TANC1: variants seen among roughly 807,000 people sequenced by gnomAD.
TANC1 encodes the protein tetratricopeptide repeat, ankyrin repeat and coiled-coil containing 1, also known as protein TANC1.
TANC1 carries 77 observed loss-of-function variants against 149.7 expected under a neutral mutation model. The ratio of observed to expected loss-of-function variants is 0.51; its 90% CI spans 0.43 to 0.62. The LOEUF is 0.62. Ranked by LOEUF, TANC1 falls within the 20% of genes least tolerant of loss-of-function variation. The probability of loss-of-function intolerance (pLI) is 0.00; values close to 1 mark genes in which losing one functional copy is unlikely to be tolerated. For missense variants in TANC1, 1,985 were observed against 2,321.8 expected, an observed-to-expected ratio of 0.85 and a Z score of 2.98; for synonymous variants, 854 against 925.0, an observed-to-expected ratio of 0.92 and a Z score of 1.39.
In TANC1 at chr2:159,087,038, T is replaced by G. The variant is rs149425903; in HGVS notation, c.62-10599T>G. ...TGCCCAGCATCCCAATCGTGAAAAA[T>G]GTAAGCTATTGTTAGCGAGTTCTGG... is the stretch of plus-strand genomic sequence containing the variant. On this transcript the variant is annotated intron_variant, in intron 3 of 26. Transcript: ENST00000263635. Among the ~76,000 whole-genome samples the G allele has an allele frequency of 3.6e-3, 544 of 151,920 alleles. 6 individuals are homozygous for G. Among genetic ancestry groups the G allele is most frequent in the African/African-American group, 0.012 (500 of 41,408 alleles).
At chr2:159,013,920 C>T (rs1010319886) in intron 2 of TANC1, among the ~76,000 whole-genome samples, 5 of 152,144 alleles carry the variant, frequency 3.3e-5, no homozygotes, top group Non-Finnish European at 7.3e-5. Flanking sequence ...GGGCCTCGCT[C>T]CTTGACTTGT....
intron 5 of TANC1, among the ~76,000 whole-genome samples, chr2:159,141,408 T>C (rs796618855): frequency 9.2e-5 from 14 of 152,254 alleles, no homozygotes; most frequent in African/African-American, 2.9e-4. Context: ...GAGGATAAAG[T>C]CTCAAATTAG....
At chr2:159,052,053 G>A (rs567921498) in intron 2 of TANC1, among the ~76,000 whole-genome samples, 1 of 152,262 alleles carries the variant, frequency 6.6e-6, no homozygotes, top group African/African-American at 2.4e-5. Context: ...GGGCGGGAGA[G>A]GCCAAGCCTT....
intron 22 of TANC1, among the ~76,000 whole-genome samples, chr2:159,221,094 TAATCCC>T (rs2059680717): frequency 6.6e-6 from 1 of 152,200 alleles, no homozygotes; most frequent in Non-Finnish European, 1.5e-5. Context: ...CTCATGCCTG[TAATCCC>T]GGCACTTTGG....
At chr2:159,206,513 G>A (rs574948323) in intron 19 of TANC1, among the ~76,000 whole-genome samples, 1 of 152,328 alleles carries the variant, frequency 6.6e-6, no homozygotes, top group Non-Finnish European at 1.5e-5. Flanking sequence ...GGTGTCTCAA[G>A]CACGAACAAA....
At chr2:158,969,243 G>A (rs1159663671) in intron 1 of TANC1, among the ~76,000 whole-genome samples, 1 of 152,192 alleles carries the variant, frequency 6.6e-6, no homozygotes, top group Non-Finnish European at 1.5e-5. Context: ...GGGGAGGCGC[G>A]CCTGGCACCG....
At chr2:159,022,243 C>T (rs1464564801) in intron 2 of TANC1, among the ~76,000 whole-genome samples, 5 of 152,176 alleles carry the variant, frequency 3.3e-5, no homozygotes, top group Admixed American at 6.5e-5. Context: ...CTCTTGTTAT[C>T]CCATTCACAG....
At chr2:159,097,867 T>C (rs931318604) in intron 4 of TANC1, 33 bp downstream of exon 4, 2 of 1,587,464 alleles carry the variant, frequency 1.3e-6, no homozygotes, top group Non-Finnish European at 1.7e-6. Context: ...GCCTTGGTTA[T>C]ATATGTAGTA....
At chr2:159,151,836 T>G (rs1182481205) in intron 7 of TANC1, among the ~76,000 whole-genome samples, 1 of 152,260 alleles carries the variant, frequency 6.6e-6, no homozygotes, top group Non-Finnish European at 1.5e-5. Flanking sequence ...CTTCATTCTT[T>G]ATTAAGATGA....
intron 1 of TANC1, among the ~76,000 whole-genome samples, chr2:158,990,410 C>T (rs1223790757): frequency 6.6e-6 from 1 of 152,148 alleles, no homozygotes. Flanking sequence ...CCTGGAGGAA[C>T]TTAAAATCTA....
intron 2 of TANC1, among the ~76,000 whole-genome samples, chr2:159,043,067 A>G (rs1482239469): frequency 6.6e-6 from 1 of 152,100 alleles, no homozygotes; most frequent in Non-Finnish European, 1.5e-5. Context: ...CTCAGCTTGG[A>G]TAGTGAGCAT....
At chr2:159,187,917 T>C (rs2057133814) in intron 16 of TANC1, among the ~76,000 whole-genome samples, 1 of 152,206 alleles carries the variant, frequency 6.6e-6, no homozygotes, top group African/African-American at 2.4e-5. Flanking sequence ...AATAAGTAAA[T>C]GGGAAACATC....
chr2:159,201,067 C>T, intron 19 of TANC1, among the ~76,000 whole-genome samples: 1 of 152,168 alleles, frequency 6.6e-6, no homozygotes, highest in East Asian at 1.9e-4. Context: ...TCAGGCTTAG[C>T]CACAGTGGCT....
At chr2:159,034,003 C>A (rs2039985269) in intron 2 of TANC1, among the ~76,000 whole-genome samples, 1 of 152,222 alleles carries the variant, frequency 6.6e-6, no homozygotes, top group Non-Finnish European at 1.5e-5. Context: ...CAGGTGAAAT[C>A]ATAGTGGCAA....
At chr2:158,983,614 G>C (rs1296117850) in intron 1 of TANC1, among the ~76,000 whole-genome samples, 1 of 151,912 alleles carries the variant, frequency 6.6e-6, no homozygotes, top group Non-Finnish European at 1.5e-5. Flanking sequence ...AACATGTGAA[G>C]CTCCTCAGAC....
chr2:159,010,833 G>T (rs531067059), intron 2 of TANC1, among the ~76,000 whole-genome samples: 1 of 151,608 alleles, frequency 6.6e-6, no homozygotes, highest in South Asian at 2.1e-4. Flanking sequence ...TGAAGGAAAG[G>T]TTTATTGGAA....
At chr2:159,013,138 T>A (rs994070724) in intron 2 of TANC1, among the ~76,000 whole-genome samples, 1 of 152,332 alleles carries the variant, frequency 6.6e-6, no homozygotes, top group Admixed American at 6.5e-5. Flanking sequence ...ATTTGAAATA[T>A]GAACTTGCCC....
intron 2 of TANC1, among the ~76,000 whole-genome samples, chr2:159,059,888 T>TGGTG (rs1553532950): frequency 1.7e-5 from 2 of 114,804 alleles, no homozygotes; most frequent in Non-Finnish European, 3.6e-5. Flanking sequence ...GCAGACCTCT[T>TGGTG]TGTGTGTGTG....
chr2:159,080,375 G>T (rs1214253214), intron 3 of TANC1, among the ~76,000 whole-genome samples: 1 of 152,166 alleles, frequency 6.6e-6, no homozygotes, highest in East Asian at 1.9e-4. Context: ...TGTGAGACTT[G>T]TTCAGTATTT....
Sources: allele counts gnomAD v4.1 joint callset (sites outside exome capture counted in the v4.1 genomes callset), GRCh38; gene constraint gnomAD v4.1.1; transcripts MANE v1.5; gene names NCBI Gene and HGNC (gene_info 2026-07-23, HGNC 2026-07-21).